SESTD1: variants seen among roughly 807,000 people sequenced by gnomAD.
SESTD1 encodes SEC14 and spectrin domain containing 1.
A neutral mutation model predicts 101.7 loss-of-function variants in SESTD1; 43 were observed. That is an observed-to-expected ratio of 0.42 (90% CI 0.33 to 0.55). The LOEUF (loss-of-function observed/expected upper bound fraction) is 0.55. Among genes scored for constraint, SESTD1 ranks in the 20% least tolerant of loss-of-function variants. The probability of loss-of-function intolerance (pLI) is 0.07; values close to 1 mark genes in which losing one functional copy is unlikely to be tolerated. For missense variants in SESTD1, 647 were observed against 815.1 expected (o/e 0.79, Z 2.51); for synonymous variants, 283 against 286.8 (o/e 0.99, Z 0.13).
chr2:179,236,885 C>A (rs1248768831), intron 1 of SESTD1, among the ~76,000 whole-genome samples: 1 of 151,232 alleles, frequency 6.6e-6, no homozygotes, highest in African/African-American at 2.4e-5. Context: ...CCATATTTTA[C>A]CAAGTAGTTT....
chr2:179,120,279 T>C (rs543289344), intron 13 of SESTD1, among the ~76,000 whole-genome samples: 2 of 152,132 alleles, frequency 1.3e-5, no homozygotes, highest in Non-Finnish European at 2.9e-5. Flanking sequence ...TAGTTTTTTA[T>C]AGCAATGCAA....
chr2:179,183,971 G>C (rs1156480366), intron 2 of SESTD1, among the ~76,000 whole-genome samples: 4 of 152,022 alleles, frequency 2.6e-5, no homozygotes, highest in Non-Finnish European at 1.5e-5. Context: ...AGTATTCTGT[G>C]ATGAGGAATG....
Position 179,149,358 on chromosome 2 carries a change from A to G in SESTD1, c.520T>C (p.Leu174=), listed in dbSNP as rs756966014. The change falls in exon 7 of 18, where the codon TTA becomes CTA. Residue 174 remains leucine, a synonymous_variant. Coordinates refer to ENST00000428443, the MANE Select transcript of SESTD1 (RefSeq NM_178123.5). Reference sequence around the variant, plus strand: ...TTGTTAATCAAAGCAAGTTCATCTAATAATGATGTAGATTCCTTTGTAAAC... The same window carrying G: ...TTGTTAATCAAAGCAAGTTCATCTAGTAATGATGTAGATTCCTTTGTAAAC... ...EKFTKESTSL[L]DELALINNGS... 6.2e-7 allele frequency: 1 copy of G among 1,608,508 alleles called. No individual in the cohort carries two copies. The highest frequency in any genetic ancestry group is 8.5e-7 in the Non-Finnish European group (1 of 1,178,616).
At chr2:179,171,487 T>C (rs1310283811) in intron 5 of SESTD1, among the ~76,000 whole-genome samples, 1 of 152,228 alleles carries the variant, frequency 6.6e-6, no homozygotes, top group African/African-American at 2.4e-5. Context: ...AGTCTTTGTA[T>C]TCTTCAAAGT....
chr2:179,222,504 C>T (rs2046828988), intron 1 of SESTD1, among the ~76,000 whole-genome samples: 2 of 152,128 alleles, frequency 1.3e-5, no homozygotes, highest in South Asian at 2.1e-4. Flanking sequence ...TCCACTGAGG[C>T]CACCGTGAAA....
chr2:179,151,340 A>G lies in SESTD1; in HGVS notation c.421T>C (p.Leu141=), dbSNP rs1407093944. The G allele has an allele frequency of 6.2e-7, 1 of 1,609,738 alleles. No homozygotes were observed. The highest frequency in any genetic ancestry group is 8.5e-7 in the Non-Finnish European group (1 of 1,178,100). The change falls in exon 6 of 18, where the codon TTA becomes CTA. Residue 141 remains leucine (L), a synonymous_variant. Transcript: ENST00000428443. ...KLTRYIEPCQ[L]TEDFGGSLTY... ...AGACTCCCACCAAAATCTTCTGTTA[A>G]TTGGCATGGTTCTATATAACGAGTC...
chr2:179,159,711 G>A (rs1448964948), intron 5 of SESTD1, among the ~76,000 whole-genome samples: 1 of 152,052 alleles, frequency 6.6e-6, no homozygotes, highest in Non-Finnish European at 1.5e-5. Flanking sequence ...TTCTGTTACA[G>A]CCCTTGAAGA....
chr2:179,161,589 G>A (rs1464306028), intron 5 of SESTD1, among the ~76,000 whole-genome samples: 1 of 151,638 alleles, frequency 6.6e-6, no homozygotes, highest in Non-Finnish European at 1.5e-5. Flanking sequence ...TTGAACCCGG[G>A]AGGTGGAGGT....
intron 9 of SESTD1, among the ~76,000 whole-genome samples, chr2:179,135,560 C>T (rs1475194700): frequency 6.6e-6 from 1 of 152,100 alleles, no homozygotes; most frequent in African/African-American, 2.4e-5. Flanking sequence ...TCAAGACCAG[C>T]CTGAGCAACA....
intron 15 of SESTD1, 63 bp downstream of exon 15, chr2:179,116,605 T>C (rs1488022611): frequency 3.7e-6 from 6 of 1,612,338 alleles, no homozygotes; most frequent in South Asian, 1.1e-5. Flanking sequence ...AGTTACATTA[T>C]AATCATGCAG....
chr2:179,113,701 T>C (rs1356904809), intron 16 of SESTD1, among the ~76,000 whole-genome samples: 1 of 152,188 alleles, frequency 6.6e-6, no homozygotes, highest in Non-Finnish European at 1.5e-5. Flanking sequence ...GTTATTTATA[T>C]TTATGCTTAT....
intron 1 of SESTD1, among the ~76,000 whole-genome samples, chr2:179,244,938 G>T (rs1049502828): frequency 2.6e-5 from 4 of 152,136 alleles, no homozygotes; most frequent in Non-Finnish European, 5.9e-5. Context: ...ACTCAAACTG[G>T]TTAAATGATG....
chr2:179,126,381 C>T (rs977290854), intron 10 of SESTD1, among the ~76,000 whole-genome samples: 3 of 152,096 alleles, frequency 2.0e-5, no homozygotes, highest in Non-Finnish European at 2.9e-5. Context: ...CTTCAAATGG[C>T]CTTTTCTCTT....
intron 13 of SESTD1, among the ~76,000 whole-genome samples, chr2:179,120,316 C>A (rs918708948): frequency 6.6e-6 from 1 of 152,090 alleles, no homozygotes; most frequent in Non-Finnish European, 1.5e-5. Flanking sequence ...TAGATTTCAG[C>A]AGTACATGGG....
chr2:179,197,182 T>C (rs911223154), intron 1 of SESTD1, among the ~76,000 whole-genome samples: 3 of 152,018 alleles, frequency 2.0e-5, no homozygotes, highest in Non-Finnish European at 4.4e-5. Flanking sequence ...CAGGAGCCGA[T>C]GCAATCAACT....
chr2:179,179,905 G>C (rs2046077799), intron 3 of SESTD1, among the ~76,000 whole-genome samples: 1 of 152,126 alleles, frequency 6.6e-6, no homozygotes, highest in South Asian at 2.1e-4. Context: ...ACCTGCTCCT[G>C]CCTCAGGGCC....
At chr2:179,123,574 T>A in intron 12 of SESTD1, 141 bp downstream of exon 12, 2 of 627,376 alleles carry the variant, frequency 3.2e-6, no homozygotes, top group Non-Finnish European at 5.5e-6. Flanking sequence ...CTCAAGGGAA[T>A]AAAATCTTTT....
At chr2:179,174,857 G>C (rs1198377954) in intron 4 of SESTD1, among the ~76,000 whole-genome samples, 3 of 151,688 alleles carry the variant, frequency 2.0e-5, no homozygotes, top group Non-Finnish European at 4.4e-5. Context: ...GCTGAGGCAG[G>C]AGGACTGCCT....
intron 1 of SESTD1, among the ~76,000 whole-genome samples, chr2:179,238,651 T>A (rs2047104142): frequency 6.6e-6 from 1 of 151,226 alleles, no homozygotes; most frequent in African/African-American, 2.4e-5. Flanking sequence ...GGGAAAAAGG[T>A]CAGTGTTATT....
Sources: gnomAD v4.1 joint callset for allele counts (sites outside exome capture counted in the v4.1 genomes callset) on GRCh38, gnomAD v4.1.1 for gene constraint, MANE v1.5 for transcripts, NCBI Gene and HGNC (gene_info 2026-07-23, HGNC 2026-07-21) for gene names.